C16orf46: variants seen among roughly 807,000 people sequenced by gnomAD.
C16orf46 encodes the protein chromosome 16 open reading frame 46.
C16orf46 carries 7 observed loss-of-function variants against 5.5 expected under a neutral mutation model. The observed-to-expected ratio is 1.28, with a 90% confidence interval of 0.73 to 2.40. The LOEUF is 2.40. Ranked by LOEUF, C16orf46 falls within the 30% of genes most tolerant of loss-of-function variation. The probability of loss-of-function intolerance (pLI) is 0.00; values close to 1 mark genes in which losing one functional copy is unlikely to be tolerated. For synonymous variants in C16orf46, 200 were observed against 184.1 expected (o/e 1.09, Z -0.70); for missense variants, 614 against 476.0 (o/e 1.29, Z -2.70).
intron 2 of C16orf46, among the ~76,000 whole-genome samples, 193 bp downstream of exon 2, chr16:81,066,000 C>T (rs1338000664): frequency 6.6e-6 from 1 of 151,906 alleles, no homozygotes; most frequent in Non-Finnish European, 1.5e-5. Flanking sequence ...ATTCTCCTGC[C>T]TCAGCCTCCC....
intron 2 of C16orf46, among the ~76,000 whole-genome samples, chr16:81,064,269 C>G (rs560184815): frequency 2.0e-5 from 3 of 150,418 alleles, no homozygotes; most frequent in Admixed American, 6.7e-5. Context: ...GAGGCTGAGG[C>G]AGGAGAATCA....
At chr16:81,066,017 C>G (rs1197955418) in intron 2 of C16orf46, among the ~76,000 whole-genome samples, 176 bp downstream of exon 2, 2 of 151,936 alleles carry the variant, frequency 1.3e-5, no homozygotes, top group African/African-American at 4.8e-5. Flanking sequence ...TCCCGAGTAG[C>G]TGGGATTACG....
chr16:81,064,648 G>C (rs576529383), intron 2 of C16orf46, among the ~76,000 whole-genome samples: 1 of 152,032 alleles, frequency 6.6e-6, no homozygotes, highest in East Asian at 1.9e-4. Flanking sequence ...TTGGGAGGCT[G>C]AGGCAGGAGA....
At chr16:81,067,349 T>A (rs953108155) in intron 1 of C16orf46, among the ~76,000 whole-genome samples, 1 of 152,194 alleles carries the variant, frequency 6.6e-6, no homozygotes, top group East Asian at 1.9e-4. Context: ...AAGTTCTGTT[T>A]GTTGTAGATG....
chr16:81,073,130 G>A (rs1412254408), intron 1 of C16orf46, among the ~76,000 whole-genome samples: 2 of 152,164 alleles, frequency 1.3e-5, no homozygotes, highest in Non-Finnish European at 2.9e-5. Flanking sequence ...TACAGTTGCT[G>A]TTTCACAATA....
intron 1 of C16orf46, among the ~76,000 whole-genome samples, chr16:81,071,572 C>A (rs536926168): frequency 1.6e-4 from 25 of 152,094 alleles, no homozygotes; most frequent in Non-Finnish European, 3.1e-4. Flanking sequence ...CACAGAGATA[C>A]CCCATCACTA....
rs148109723 is a variant in C16orf46 at position 81,061,008 on chromosome 16, C to CA, written c.*152dup. 52,421 of 1,096,368 alleles carry CA rather than the reference C, an allele frequency of 0.048. 318 individuals carry two copies. Among genetic ancestry groups the CA allele is most frequent in the Middle Eastern group, 0.059 (169 of 2,874 alleles). 67.9% of individuals were successfully genotyped at this position (1,096,368 alleles called of 1,614,324 possible). ...GGTTCAGTTTTCTTCAGTTGTACTACAAAAAAAAAATGGAGGAAAAGAAGA... is the reference window on the plus strand; with the variant it reads ...GGTTCAGTTTTCTTCAGTTGTACTACAAAAAAAAAAATGGAGGAAAAGAAGA... On this transcript the variant is annotated 3_prime_UTR_variant, in exon 4 of 4. Coordinates refer to ENST00000299578, the MANE Select transcript of C16orf46 (RefSeq NM_152337.3).
In C16orf46 at chr16:81,061,074, G is replaced by C; in HGVS notation, c.*87C>G. ...CGGGGAGGAGAGAAAGAGAGAGTGG[G>C]GGGTGGGTGGGAAATGAGAGAGAAG... On this transcript the variant is annotated 3_prime_UTR_variant, in exon 4 of 4. Transcript: ENST00000299578. The C allele has an allele frequency of 6.8e-7, 1 of 1,466,648 alleles. No homozygotes were observed. 90.9% of individuals were successfully genotyped at this position (1,466,648 alleles called of 1,614,324 possible). A position where few individuals can be genotyped will look rare whatever the true frequency, so the allele number is the denominator to read the frequency against.
At chr16:81,069,727 A>T (rs1971780072) in intron 1 of C16orf46, 1 of 152,252 alleles carries the variant, frequency 6.6e-6, no homozygotes, top group Non-Finnish European at 1.5e-5. Flanking sequence ...GACATTTATC[A>T]TCACTGAAAA....
At chr16:81,062,561 C>T (rs934695560) in intron 3 of C16orf46, among the ~76,000 whole-genome samples, 2 of 152,166 alleles carry the variant, frequency 1.3e-5, no homozygotes, top group Admixed American at 6.5e-5. Context: ...ACTTGTCCCA[C>T]CAACAAGGAT....
chr16:81,055,189 A>G (rs1271707388), intron 3 of C16orf46: 1 of 152,172 alleles, frequency 6.6e-6, no homozygotes, highest in Non-Finnish European at 1.5e-5. Flanking sequence ...CCCAAATTCC[A>G]TATCGGATTT....
rs1412409502 is a variant in C16orf46, at chr16:81,061,999, G to A, written c.350C>T (p.Pro117Leu). The stretch of plus-strand genomic sequence containing the variant: ...CTTCTCTGGGCCCCCCTCAGTAGGA[G>A]GCTTGGTCTGGAGGCTCCAGTGGGA... The part of the protein sequence containing the change: ...NLSHWSLQTK[P>L]PTEGGPEKDQ... Residue 117 changes from proline to leucine, a missense_variant, in exon 4 of 4, where the codon CCT (proline) becomes CTT (leucine). Coordinates refer to ENST00000299578, the MANE Select transcript of C16orf46 (RefSeq NM_152337.3). The A allele has an allele frequency of 6.2e-7, 1 of 1,614,112 alleles. No homozygotes were observed. Among genetic ancestry groups the A allele is most frequent in the Admixed American group, 1.7e-5 (1 of 60,020 alleles).
At chr16:81,057,538 C>CAAA (rs11289785), downstream of C16orf46, among the ~76,000 whole-genome samples, 1,377 of 112,282 alleles carry the variant, frequency 0.012, 33 homozygotes, top group African/African-American at 0.042. Context: ...GACTCTGTCT[C>CAAA]AAAAAAAAAA....
At chr16:81,064,280 C>T (rs1971581967) in intron 2 of C16orf46, among the ~76,000 whole-genome samples, 1 of 150,786 alleles carries the variant, frequency 6.6e-6, no homozygotes, top group African/African-American at 2.4e-5. Flanking sequence ...AGGAGAATCA[C>T]TTGAACCCAG....
At chr16:81,071,303 A>T (rs140049799) in intron 1 of C16orf46, among the ~76,000 whole-genome samples, 8 of 152,342 alleles carry the variant, frequency 5.3e-5, no homozygotes, top group Non-Finnish European at 1.2e-4. Context: ...ATCACTAACC[A>T]ATAAGAGCGA....
intron 1 of C16orf46, among the ~76,000 whole-genome samples, chr16:81,075,421 C>T (rs1449698460): frequency 2.0e-5 from 3 of 152,162 alleles, no homozygotes; most frequent in African/African-American, 7.2e-5. Context: ...GAAACCCCAT[C>T]TTTACCGAAA....
At chr16:81,074,735 A>ATT (rs559369921) in intron 1 of C16orf46, among the ~76,000 whole-genome samples, 1 of 144,284 alleles carries the variant, frequency 6.9e-6, no homozygotes, top group Non-Finnish European at 1.5e-5. Flanking sequence ...CAACTTCCAG[A>ATT]TTTTTTTTTT....
chr16:81,063,570 T>TA (rs1485902177), intron 3 of C16orf46, among the ~76,000 whole-genome samples, 176 bp downstream of exon 3: 1 of 152,232 alleles, frequency 6.6e-6, no homozygotes, highest in Admixed American at 6.5e-5. Flanking sequence ...TGGCCATAAA[T>TA]ACCCACAGTA....
chr16:81,059,318 C>T (rs1258147625), downstream of C16orf46, among the ~76,000 whole-genome samples: 1 of 55,262 alleles, frequency 1.8e-5, no homozygotes, highest in Non-Finnish European at 3.4e-5. Context: ...GAGACTCTGT[C>T]TCAAAAAAAA....
Sources: allele counts gnomAD v4.1 joint callset (sites outside exome capture counted in the v4.1 genomes callset), GRCh38; gene constraint gnomAD v4.1.1; transcripts MANE v1.5; gene names NCBI Gene and HGNC (gene_info 2026-07-23, HGNC 2026-07-21).